Variants in FANK1 observed in about 807,000 individuals in gnomAD.
The protein encoded by FANK1 is fibronectin type 3 and ankyrin repeat domains protein 1.
In FANK1, 44 loss-of-function variants were observed where a neutral mutation model predicts 45.3. That is an observed-to-expected ratio of 0.97 (90% confidence interval 0.76 to 1.25). The LOEUF (loss-of-function observed/expected upper bound fraction) is 1.25, where lower values mean the gene tolerates loss of function less well. Ranked by LOEUF, FANK1 falls within the 50% of genes most tolerant of loss-of-function variation. The probability of loss-of-function intolerance (pLI) is 0.00; values close to 1 mark genes in which losing one functional copy is unlikely to be tolerated. For synonymous variants in FANK1, 149 were observed against 152.5 expected, an observed-to-expected ratio of 0.98 and a Z score of 0.17; for missense variants, 391 against 424.4, an observed-to-expected ratio of 0.92 and a Z score of 0.69.
At chr10:125,942,878 A>T (rs987268356) in intron 1 of FANK1, among the ~76,000 whole-genome samples, 3 of 145,694 alleles carry the variant, frequency 2.1e-5, no homozygotes, top group Admixed American at 1.4e-4. Context: ...CAATGGCATG[A>T]TCTCAGCTCA....
chr10:125,944,590 C>T (rs939826256), intron 1 of FANK1, among the ~76,000 whole-genome samples: 5 of 152,172 alleles, frequency 3.3e-5, no homozygotes, highest in Non-Finnish European at 7.3e-5. Context: ...ATGGCCCTAA[C>T]GCCCAAGCTG....
At chr10:125,934,491 C>A (rs1230177984) in intron 1 of FANK1, among the ~76,000 whole-genome samples, 1 of 151,872 alleles carries the variant, frequency 6.6e-6, no homozygotes, top group Non-Finnish European at 1.5e-5. Context: ...GATGAAGGCT[C>A]CGGGATGTCT....
At chr10:126,007,528 C>A (rs1161782999) in intron 7 of FANK1, among the ~76,000 whole-genome samples, 1 of 152,204 alleles carries the variant, frequency 6.6e-6, no homozygotes, top group Non-Finnish European at 1.5e-5. Flanking sequence ...TAGAAATACC[C>A]TGAAGTGCTC....
At chr10:125,987,575 GAAGAA>G (rs1392802948) in intron 2 of FANK1, among the ~76,000 whole-genome samples, 1 of 151,918 alleles carries the variant, frequency 6.6e-6, no homozygotes, top group Non-Finnish European at 1.5e-5. Context: ...GCTTTGAGTA[GAAGAA>G]AAGAAAAATT....
chr10:125,922,369 G>A (rs199646669), intron 1 of FANK1, among the ~76,000 whole-genome samples: 6 of 152,112 alleles, frequency 3.9e-5, no homozygotes, highest in African/African-American at 9.7e-5. Context: ...AGGTTTTGAC[G>A]TTTCCCAACC....
intron 1 of FANK1, among the ~76,000 whole-genome samples, chr10:125,909,293 A>T (rs1945794926): frequency 6.6e-6 from 1 of 152,066 alleles, no homozygotes; most frequent in Non-Finnish European, 1.5e-5. Context: ...CGGAAGTGAA[A>T]ATCACTGGGG....
intron 2 of FANK1, among the ~76,000 whole-genome samples, chr10:125,986,289 G>T (rs1262424266): frequency 6.6e-6 from 1 of 152,116 alleles, no homozygotes; most frequent in African/African-American, 2.4e-5. Context: ...GGCTCTGCTG[G>T]TGCTACACCC....
intron 1 of FANK1, among the ~76,000 whole-genome samples, chr10:125,901,298 A>G (rs1160566633): frequency 6.6e-6 from 1 of 151,958 alleles, no homozygotes; most frequent in African/African-American, 2.4e-5. Flanking sequence ...TTCTCCATCC[A>G]CCAGCAGGTC....
chr10:125,965,558 A>G (rs1950162235), intron 1 of FANK1, among the ~76,000 whole-genome samples: 1 of 152,334 alleles, frequency 6.6e-6, no homozygotes, highest in South Asian at 2.1e-4. Flanking sequence ...TTTTGGAGTT[A>G]GAGATCTGGA....
chr10:125,946,156 A>G lies in FANK1; in HGVS notation c.14-34005A>G, dbSNP rs1369209139. 1.1e-4 allele frequency among the ~76,000 whole-genome samples: 17 copies of G among 152,202 alleles called. No individual in the cohort carries two copies. In the East Asian group the frequency reaches 2.3e-3, roughly 21 times the overall value. On this transcript the variant is annotated intron_variant, in intron 1 of 10. Transcript: ENST00000368693. Reference sequence around the variant, plus strand: ...AAGTAGATAAAACCACAAAGATGGGAAAAAAACAGAACAGAAAAACTGGAA... The same window carrying G: ...AAGTAGATAAAACCACAAAGATGGGGAAAAAACAGAACAGAAAAACTGGAA...
intron 1 of FANK1, among the ~76,000 whole-genome samples, chr10:125,969,630 A>T (rs1209397576): frequency 1.3e-5 from 2 of 151,910 alleles, no homozygotes; most frequent in African/African-American, 2.4e-5. Context: ...TTTTTTTTAA[A>T]TTTTTTTTAG....
rs536169168 is a variant in FANK1, at chr10:125,941,396, G to A, written c.14-38765G>A. Among the ~76,000 whole-genome samples, 11 of 152,320 alleles carry A rather than the reference G, an allele frequency of 7.2e-5. No homozygotes were observed. The East Asian group carries it at 1.9e-3, about 27-fold the overall frequency. ...ATACGATTTTGCATCTACAGGACTG[G>A]CAATAATTAAGTCTGATAATGGATT... On this transcript the variant is annotated intron_variant, in intron 1 of 10. Coordinates refer to ENST00000368693, the MANE Select transcript of FANK1 (RefSeq NM_145235.5).
intron 3 of FANK1, chr10:125,994,974 C>G (rs1952214273): frequency 1.0e-6 from 1 of 980,870 alleles, no homozygotes; most frequent in African/African-American, 1.8e-5. Context: ...AGTCACATTC[C>G]TGGGAAGAAC....
chr10:125,970,113 A>G (rs1288536807), intron 1 of FANK1, among the ~76,000 whole-genome samples: 1 of 152,168 alleles, frequency 6.6e-6, no homozygotes, highest in Admixed American at 6.5e-5. Flanking sequence ...CATCGTCATC[A>G]TGGCCCGTTC....
intron 1 of FANK1, chr10:125,973,390 C>T (rs898747437): frequency 3.1e-6 from 3 of 982,262 alleles, no homozygotes; most frequent in East Asian, 1.1e-4. Flanking sequence ...TGAAAAAAAT[C>T]ATTTGTTCAA....
chr10:125,980,571 A>G (rs1032226233), intron 2 of FANK1: 2 of 458,266 alleles, frequency 4.4e-6, no homozygotes, highest in African/African-American at 2.0e-5. Flanking sequence ...TATTTTAATG[A>G]TATGTATTTA....
At chr10:125,938,607 G>A (rs1471284352) in intron 1 of FANK1, among the ~76,000 whole-genome samples, 1 of 152,110 alleles carries the variant, frequency 6.6e-6, no homozygotes, top group African/African-American at 2.4e-5. Flanking sequence ...TCAGGAGTTC[G>A]AGACCAGCCT....
chr10:125,991,994 T>TAACATC (rs892273923), intron 3 of FANK1, among the ~76,000 whole-genome samples: 3 of 152,322 alleles, frequency 2.0e-5, no homozygotes, highest in Non-Finnish European at 2.9e-5. Flanking sequence ...GAGCATGGGC[T>TAACATC]AACATCCTCA....
chr10:125,989,524 C>T, intron 3 of FANK1: 1 of 769,868 alleles, frequency 1.3e-6, no homozygotes, highest in South Asian at 1.5e-5. Flanking sequence ...CTAAAGTTAA[C>T]TCAGCTTTTG....
Sources: gnomAD v4.1 joint callset for allele counts (sites outside exome capture counted in the v4.1 genomes callset) on GRCh38, gnomAD v4.1.1 for gene constraint, MANE v1.5 for transcripts, NCBI Gene and HGNC (gene_info 2026-07-23, HGNC 2026-07-21) for gene names.